RGS7: variants seen among roughly 807,000 people sequenced by gnomAD.
RGS7 encodes the protein regulator of G protein signaling 7.
In RGS7, 27 loss-of-function variants were observed where a neutral mutation model predicts 81.1. The observed-to-expected ratio is 0.33, with a 90% confidence interval of 0.25 to 0.46. RGS7 has a LOEUF of 0.46. RGS7 is among the 20% of genes least tolerant of loss of function. RGS7 has a pLI of 1.00. For missense variants in RGS7, 396 were observed against 607.4 expected, an observed-to-expected ratio of 0.65 and a Z score of 3.66; for synonymous variants, 208 against 207.7, an observed-to-expected ratio of 1.00 and a Z score of -0.01.
intron 18 of RGS7, among the ~76,000 whole-genome samples, chr1:240,798,945 GTCTA>G (rs891996404): frequency 1.3e-5 from 2 of 152,074 alleles, no homozygotes; most frequent in African/African-American, 4.8e-5. Flanking sequence ...ACTCCAGTAA[GTCTA>G]TCTGATTATA....
At chr1:241,157,882 G>C (rs1026335767) in intron 2 of RGS7, among the ~76,000 whole-genome samples, 1 of 87,354 alleles carries the variant, frequency 1.1e-5, no homozygotes, top group Admixed American at 1.2e-4. Context: ...GCAGTGGTGC[G>C]ATCTGGGCTC....
chr1:240,883,605 T>C (rs261833), intron 6 of RGS7, among the ~76,000 whole-genome samples: 70,973 of 152,062 alleles, frequency 0.47, 16,807 homozygotes, highest in East Asian at 0.53. Flanking sequence ...CGGTTATTCA[T>C]GGCCATTCAC....
chr1:240,791,616 T>C (rs1408352574), intron 18 of RGS7, among the ~76,000 whole-genome samples: 1 of 152,176 alleles, frequency 6.6e-6, no homozygotes, highest in Non-Finnish European at 1.5e-5. Context: ...AGAATGCTAA[T>C]GAGTATATAT....
At chr1:241,287,994 T>C (rs190178555) in intron 2 of RGS7, among the ~76,000 whole-genome samples, 63 of 152,350 alleles carry the variant, frequency 4.1e-4, no homozygotes, top group African/African-American at 1.5e-3. Context: ...AAAGTAATTT[T>C]CCCATCTGGA....
chr1:241,159,609 T>A (rs12084694), intron 2 of RGS7, among the ~76,000 whole-genome samples: 18,505 of 152,050 alleles, frequency 0.12, 1,245 homozygotes, highest in Middle Eastern at 0.18. Flanking sequence ...TATTTCTGCT[T>A]GGTTTATAAG....
chr1:241,225,981 C>T (rs1397497369), intron 2 of RGS7, among the ~76,000 whole-genome samples: 1 of 152,098 alleles, frequency 6.6e-6, no homozygotes, highest in Non-Finnish European at 1.5e-5. Context: ...TTTTCAACAC[C>T]ACTTGAAACT....
chr1:240,823,076 G>C (rs1692098996), intron 10 of RGS7: 3 of 783,106 alleles, frequency 3.8e-6, no homozygotes, highest in Non-Finnish European at 6.7e-6. Context: ...ATGTCACCTG[G>C]AATTGCTGAA....
chr1:241,249,427 A>C (rs1248240670), intron 2 of RGS7, among the ~76,000 whole-genome samples: 1 of 152,054 alleles, frequency 6.6e-6, no homozygotes, highest in Non-Finnish European at 1.5e-5. Flanking sequence ...TGTTCCCTTG[A>C]AATATTGGTC....
chr1:241,093,916 T>C (rs1157627809), intron 3 of RGS7, among the ~76,000 whole-genome samples: 1 of 152,048 alleles, frequency 6.6e-6, no homozygotes, highest in East Asian at 1.9e-4. Context: ...AGAAGAAATA[T>C]TGAGATGGGA....
rs565652983 is a variant in RGS7 at position 241,129,091 on chromosome 1, G to GA, written c.79-30330dup. Among the ~76,000 whole-genome samples the GA allele has an allele frequency of 2.4e-4, 36 of 152,112 alleles. No homozygotes were observed. The South Asian group carries it at 7.1e-3, about 30-fold the overall frequency. ...CCAAATTATACTCCTCTAACATTTTGAAAAAGTTTTTAAAACAGAAGTGAT... is the reference window on the plus strand; with the variant it reads ...CCAAATTATACTCCTCTAACATTTTGAAAAAAGTTTTTAAAACAGAAGTGAT... On this transcript the variant is annotated intron_variant, in intron 2 of 18. Coordinates refer to ENST00000440928, the MANE Select transcript of RGS7 (RefSeq NM_001364886.1).
At chr1:240,793,948 G>T (rs1361595810) in intron 18 of RGS7, among the ~76,000 whole-genome samples, 1 of 151,966 alleles carries the variant, frequency 6.6e-6, no homozygotes, top group Non-Finnish European at 1.5e-5. Flanking sequence ...ACCTATATTA[G>T]TGTATCTATA....
chr1:241,217,178 A>G (rs2074619220), intron 2 of RGS7, among the ~76,000 whole-genome samples: 1 of 152,076 alleles, frequency 6.6e-6, no homozygotes, highest in Non-Finnish European at 1.5e-5. Flanking sequence ...AGAGCCACTG[A>G]GCTTGCTTTC....
At chr1:241,278,490 C>A (rs564316721) in intron 2 of RGS7, among the ~76,000 whole-genome samples, 1 of 152,186 alleles carries the variant, frequency 6.6e-6, no homozygotes, top group East Asian at 1.9e-4. Flanking sequence ...TTGTTTCAGG[C>A]GCAGCCATTG....
At chr1:241,052,614 T>C (rs181636877) in intron 3 of RGS7, among the ~76,000 whole-genome samples, 5 of 152,284 alleles carry the variant, frequency 3.3e-5, no homozygotes, top group Non-Finnish European at 7.4e-5. Context: ...CATGTCAAGG[T>C]TGAAAAACCA....
chr1:241,189,024 G>T (rs144153570), intron 2 of RGS7, among the ~76,000 whole-genome samples: 2,039 of 152,152 alleles, frequency 0.013, 49 homozygotes, highest in African/African-American at 0.046. Flanking sequence ...GCTCAGGCTG[G>T]TGTTCAGTGG....
chr1:241,038,602 A>G (rs1400270264), intron 3 of RGS7, among the ~76,000 whole-genome samples: 2 of 152,168 alleles, frequency 1.3e-5, no homozygotes, highest in African/African-American at 4.8e-5. Context: ...CTGTCAGAAA[A>G]TCCCTGAGCC....
At chr1:241,052,408 T>A (rs529807728) in intron 3 of RGS7, among the ~76,000 whole-genome samples, 8 of 152,048 alleles carry the variant, frequency 5.3e-5, no homozygotes, top group African/African-American at 1.9e-4. Flanking sequence ...GGGAAGGTAT[T>A]TCCAGTCAGG....
chr1:241,222,972 T>C (rs898281696), intron 2 of RGS7, among the ~76,000 whole-genome samples: 1 of 152,180 alleles, frequency 6.6e-6, no homozygotes, highest in Admixed American at 6.5e-5. Context: ...GCTTCATTCA[T>C]GTCCCTGCAA....
In RGS7 at chr1:240,868,678, C is replaced by T. The variant is rs770822389; in HGVS notation, c.528-10G>A. 4.3e-6 allele frequency: 7 copies of T among 1,613,558 alleles called. No homozygotes were observed. In the East Asian group the frequency reaches 6.7e-5, roughly 15 times the overall value. On this transcript the variant is annotated splice_polypyrimidine_tract_variant and intron_variant, in intron 8 of 18. Coordinates refer to ENST00000440928, the MANE Select transcript of RGS7 (RefSeq NM_001364886.1). This position sits in a 1 kb window ranked among gnomAD's most constrained non-coding sequence, Gnocchi z 5.1. The stretch of plus-strand genomic sequence containing the variant: ...TCTCTTCTTGTCCACTCTGTCAACA[C>T]AGTAACAATAGATAACATTTAGTAT...
Sources: allele counts gnomAD v4.1 joint callset (sites outside exome capture counted in the v4.1 genomes callset), GRCh38; gene constraint gnomAD v4.1.1; non-coding constraint Gnocchi (gnomAD v3.1); transcripts MANE v1.5; gene names NCBI Gene and HGNC (gene_info 2026-07-23, HGNC 2026-07-21).